Variants in LRRC37B observed in about 807,000 individuals in gnomAD.
LRRC37B encodes the protein leucine-rich repeat-containing protein 37B.
Under a neutral mutation model 98.3 loss-of-function variants are expected in LRRC37B, and 28 were observed. The observed-to-expected ratio is 0.28, with a 90% CI of 0.21 to 0.39. The LOEUF (loss-of-function observed/expected upper bound fraction) is 0.39, where lower values mean the gene tolerates loss of function less well. Ranked by LOEUF, LRRC37B falls within the 10% of genes least tolerant of loss-of-function variation. LRRC37B has a pLI of 1.00. For missense variants in LRRC37B, 938 were observed against 1,182.7 expected, an observed-to-expected ratio of 0.79 and a Z score of 3.03; for synonymous variants, 364 against 442.7, an observed-to-expected ratio of 0.82 and a Z score of 2.23.
At chr17:32,052,550 G>A (rs955814191) in intron 11 of LRRC37B, 1 of 152,126 alleles carries the variant, frequency 6.6e-6, no homozygotes, top group African/African-American at 2.4e-5. Context: ...CTCTTCATCA[G>A]CAGGTCCACA....
chr17:32,029,489 T>G (rs1160561890), intron 3 of LRRC37B, among the ~76,000 whole-genome samples: 2 of 152,054 alleles, frequency 1.3e-5, no homozygotes, highest in Non-Finnish European at 2.9e-5. Context: ...ATAAATTGTT[T>G]CTGAAGCATA....
intron 8 of LRRC37B, 138 bp downstream of exon 11, chr17:32,045,956 T>G (rs1911566346): frequency 5.2e-6 from 5 of 966,774 alleles, no homozygotes; most frequent in Non-Finnish European, 6.0e-6. Flanking sequence ...CTCCCTCAAC[T>G]TCTGAATGAC....
chr17:32,045,560 T>C, intron 7 of LRRC37B, 140 bp from the exon 11 acceptor site: 3 of 914,878 alleles, frequency 3.3e-6, no homozygotes, highest in Non-Finnish European at 5.1e-6. Flanking sequence ...CCATTGGCCT[T>C]CTGGTTCCTA....
chr17:32,040,613 C>T, intron 7 of LRRC37B: 1 of 776,076 alleles, frequency 1.3e-6, no homozygotes, highest in African/African-American at 1.7e-5. Context: ...CCAACCCAGC[C>T]TCACAGGCTA....
intron 1 of LRRC37B, among the ~76,000 whole-genome samples, chr17:32,015,277 A>G (rs1324764113): frequency 1.3e-5 from 2 of 152,256 alleles, no homozygotes; most frequent in African/African-American, 4.8e-5. Context: ...ACTATTCCAC[A>G]TCAAAAGGTG....
chr17:32,008,080 T>C lies in LRRC37B; in HGVS notation c.-243T>C. On this transcript the variant is annotated 5_prime_UTR_variant, in exon 1 of 15. An upstream start codon of the reference 5' UTR is lost. Coordinates refer to the LRRC37B transcript ENST00000543378. ...CCGATTATCCGGAGGAGCTGGAAGA[T>C]GACGACGAGGACGCCAGTTACTCCA... 2.1e-6 allele frequency: 1 copy of C among 467,516 alleles called. No individual in the cohort carries two copies. Among genetic ancestry groups the C allele is most frequent in the South Asian group, 2.1e-5 (1 of 46,528 alleles). 29.0% of individuals were successfully genotyped at this position (467,516 alleles called of 1,614,324 possible).
chr17:32,023,634 G>A (rs1168473620), intron 1 of LRRC37B, among the ~76,000 whole-genome samples: 11 of 152,280 alleles, frequency 7.2e-5, no homozygotes, highest in Non-Finnish European at 4.4e-5. Flanking sequence ...TAGGATTGTT[G>A]TGAAATTTAG....
chr17:32,025,030 G>GTTTTTTTTTTTTTTTTTTTTTTTT (rs772444987), intron 2 of LRRC37B, among the ~76,000 whole-genome samples: 2 of 69,918 alleles, frequency 2.9e-5, no homozygotes, highest in East Asian at 3.8e-4. Context: ...TTTTTTCCTC[G>GTTTTTTTTTTTTTTTTTTTTTTTT]TTTTTTTTTT....
chr17:32,043,142 G>A (rs1462465476), intron 7 of LRRC37B, among the ~76,000 whole-genome samples: 4 of 152,200 alleles, frequency 2.6e-5, no homozygotes, highest in Non-Finnish European at 5.9e-5. Flanking sequence ...ATGTGGCAAA[G>A]TATTAGCTAC....
chr17:32,031,116 C>G (rs1177430925), intron 4 of LRRC37B, among the ~76,000 whole-genome samples: 4 of 151,882 alleles, frequency 2.6e-5, no homozygotes, highest in African/African-American at 9.7e-5. Context: ...GTCGATGGTA[C>G]TGAAGTTGTG....
intron 9 of LRRC37B, among the ~76,000 whole-genome samples, chr17:32,048,242 C>T (rs560514802): frequency 2.9e-4 from 44 of 151,608 alleles, no homozygotes; most frequent in Non-Finnish European, 4.9e-4. Flanking sequence ...AAGGAGCATC[C>T]AGGAAAGGCA....
chr17:32,039,524 G>C (rs2062284), intron 7 of LRRC37B, among the ~76,000 whole-genome samples: 3 of 16,456 alleles, frequency 1.8e-4, no homozygotes, highest in African/African-American at 5.0e-4. Context: ...ATATATATAT[G>C]TATGTATTTT....
intron 3 of LRRC37B, among the ~76,000 whole-genome samples, chr17:32,029,854 GC>G (rs1353265680): frequency 6.6e-6 from 1 of 152,156 alleles, no homozygotes; most frequent in Non-Finnish European, 1.5e-5. Context: ...TCTGGACTCC[GC>G]CCTCATAGTT....
intron 3 of LRRC37B, among the ~76,000 whole-genome samples, chr17:32,028,428 AT>A (rs1420879482): frequency 0.016 from 1 of 62 alleles, no homozygotes; most frequent in African/African-American, 0.062. Flanking sequence ...TTAATCCAGA[AT>A]TTTTTGGTAA....
At chr17:32,036,468 T>C (rs1189242675) in intron 7 of LRRC37B, among the ~76,000 whole-genome samples, 1 of 151,954 alleles carries the variant, frequency 6.6e-6, no homozygotes, top group Non-Finnish European at 1.5e-5. Flanking sequence ...CAGTAGAAAA[T>C]TTAAAACACG....
At chr17:32,049,147 T>C in exon 10 of LRRC37B, 1 of 1,613,820 alleles carries the variant, frequency 6.2e-7, no homozygotes, top group Non-Finnish European at 8.5e-7. Context: ...CGGTCCCTCA[T>C]CCCCAACGAG....
rs141872427 is a variant in LRRC37B, at chr17:32,013,710, ATG to A, written c.-190-4238_-190-4237del. ...TAGTCCCCCTCCCTTATAATTGTAT[ATG>A]TGTGTGTGTGTGTGTGTGTGTGTAT... On this transcript the variant is annotated intron_variant, in intron 1 of 14. Transcript: ENST00000543378. Among the ~76,000 whole-genome samples the A allele has an allele frequency of 4.3e-3, 632 of 147,770 alleles. 2 individuals carry two copies. The highest frequency in any genetic ancestry group is 8.5e-3 in the East Asian group (43 of 5,070).
intron 1 of LRRC37B, among the ~76,000 whole-genome samples, chr17:32,014,206 C>T (rs1910600088): frequency 6.6e-6 from 1 of 152,156 alleles, no homozygotes; most frequent in African/African-American, 2.4e-5. Flanking sequence ...AATTTAAAAA[C>T]TCCTAAATGA....
At chr17:32,007,815 A>G (rs1008415117), upstream of LRRC37B, 31 of 1,180,632 alleles carry the variant, frequency 2.6e-5, no homozygotes, top group Non-Finnish European at 3.0e-5. This position sits in a 1 kb window ranked among gnomAD's most constrained non-coding sequence, Gnocchi z 4.1. Flanking sequence ...GGGCAGCAGT[A>G]GCCGGAGGAA....
Sources: allele counts gnomAD v4.1 joint callset (sites outside exome capture counted in the v4.1 genomes callset), GRCh38; gene constraint gnomAD v4.1.1; non-coding constraint Gnocchi (gnomAD v3.1); transcripts MANE v1.5; gene names NCBI Gene and HGNC (gene_info 2026-07-23, HGNC 2026-07-21).